The following NAALADL2 variants were observed in gnomAD, a reference collection of about 807,000 sequenced individuals.
The protein encoded by NAALADL2 is inactive N-acetylated-alpha-linked acidic dipeptidase-like protein 2.
In NAALADL2, 76 loss-of-function variants were observed where a neutral mutation model predicts 87.2. The ratio of observed to expected loss-of-function variants is 0.87; its 90% confidence interval spans 0.72 to 1.05. The LOEUF is 1.05. NAALADL2 is among the 50% of genes least tolerant of loss of function. The pLI is 0.00. For missense variants in NAALADL2, 1,089 were observed against 945.8 expected, an observed-to-expected ratio of 1.15 and a Z score of -1.99; for synonymous variants, 354 against 331.0, an observed-to-expected ratio of 1.07 and a Z score of -0.75.
At chr3:175,564,707 G>A (rs1716825382) in intron 9 of NAALADL2, among the ~76,000 whole-genome samples, 1 of 152,294 alleles carries the variant, frequency 6.6e-6, no homozygotes, top group African/African-American at 2.4e-5. Flanking sequence ...GGTCATTTAA[G>A]GTCCTATGGG....
chr3:175,234,261 C>A, intron 3 of NAALADL2, 57 bp downstream of exon 3: 2 of 1,538,270 alleles, frequency 1.3e-6, no homozygotes, highest in Non-Finnish European at 1.8e-6. Context: ...AAAATAACAG[C>A]TTTCATCTAA....
chr3:174,517,315 T>C (rs528928085), intron 1 of NAALADL2, among the ~76,000 whole-genome samples: 52 of 152,220 alleles, frequency 3.4e-4, no homozygotes, highest in Middle Eastern at 6.8e-3. Context: ...TTATGTATTT[T>C]CATCTTTAAT....
chr3:175,678,436 G>A (rs568727605), intron 11 of NAALADL2, among the ~76,000 whole-genome samples: 3 of 152,262 alleles, frequency 2.0e-5, no homozygotes, highest in African/African-American at 4.8e-5. Context: ...TATGTTTATT[G>A]TGGCACTATT....
chr3:175,069,122 C>T (rs899646741), intron 1 of NAALADL2, among the ~76,000 whole-genome samples: 1 of 150,926 alleles, frequency 6.6e-6, no homozygotes, highest in Non-Finnish European at 1.5e-5. Context: ...ATGTCTCAAA[C>T]ACCAAAAGCA....
intron 4 of NAALADL2, among the ~76,000 whole-genome samples, chr3:175,264,324 A>C (rs191645779): frequency 6.6e-6 from 1 of 152,016 alleles, no homozygotes; most frequent in African/African-American, 2.4e-5. Flanking sequence ...CTGAAAATGC[A>C]TGCATGATAA....
chr3:175,095,588 T>G (rs960145846), intron 1 of NAALADL2, among the ~76,000 whole-genome samples: 9 of 152,116 alleles, frequency 5.9e-5, no homozygotes, highest in African/African-American at 2.2e-4. Flanking sequence ...TTTAATTATA[T>G]GGGCCTCAGC....
intron 9 of NAALADL2, among the ~76,000 whole-genome samples, chr3:175,539,002 G>A (rs925368878): frequency 6.6e-6 from 1 of 152,128 alleles, no homozygotes; most frequent in Non-Finnish European, 1.5e-5. Context: ...AATTGGATTA[G>A]ATAAACTAAA....
At chr3:175,188,640 C>T (rs1737693333) in intron 2 of NAALADL2, among the ~76,000 whole-genome samples, 1 of 152,156 alleles carries the variant, frequency 6.6e-6, no homozygotes, top group Non-Finnish European at 1.5e-5. Flanking sequence ...GGAGTCCAAG[C>T]TACTGAAGTT....
At chr3:175,374,744 A>G (rs893130617) in intron 5 of NAALADL2, among the ~76,000 whole-genome samples, 2 of 151,432 alleles carry the variant, frequency 1.3e-5, no homozygotes, top group Non-Finnish European at 2.9e-5. Flanking sequence ...ATGGTGGTGC[A>G]TGCCTGCAAT....
At chr3:174,802,830 G>C (rs1719001665) in intron 3 of NAALADL2, among the ~76,000 whole-genome samples, 1 of 152,098 alleles carries the variant, frequency 6.6e-6, no homozygotes, top group Non-Finnish European at 1.5e-5. Flanking sequence ...TTTTATGCCT[G>C]TATGGTATTC....
At chr3:174,513,414 C>T (rs1719736727) in intron 1 of NAALADL2, 1 of 152,074 alleles carries the variant, frequency 6.6e-6, no homozygotes, top group East Asian at 1.9e-4. Flanking sequence ...TAATGAATAT[C>T]AATATTTAAA....
chr3:174,453,158 T>C (rs1378774312), intron 1 of NAALADL2, among the ~76,000 whole-genome samples: 1 of 152,116 alleles, frequency 6.6e-6, no homozygotes, highest in East Asian at 1.9e-4. Context: ...ATTAATAGCA[T>C]AATAGAAAAC....
chr3:174,496,119 C>T (rs1025865471), intron 1 of NAALADL2, among the ~76,000 whole-genome samples: 40 of 152,212 alleles, frequency 2.6e-4, no homozygotes, highest in African/African-American at 8.4e-4. Flanking sequence ...AGTGAACAGT[C>T]AGTAGGGCAG....
intron 1 of NAALADL2, among the ~76,000 whole-genome samples, chr3:174,444,777 G>A (rs1212513846): frequency 6.6e-6 from 1 of 152,172 alleles, no homozygotes; most frequent in Non-Finnish European, 1.5e-5. Context: ...TTATAGAATG[G>A]TGGTATTAAA....
At chr3:175,628,077 A>G (rs1358931718) in intron 11 of NAALADL2, among the ~76,000 whole-genome samples, 1 of 151,784 alleles carries the variant, frequency 6.6e-6, no homozygotes, top group East Asian at 1.9e-4. Flanking sequence ...CCAACTTGTA[A>G]TGGTTCACCT....
At chr3:175,579,219 CT>C (rs374745125) in intron 10 of NAALADL2, among the ~76,000 whole-genome samples, 2 of 148,582 alleles carry the variant, frequency 1.3e-5, no homozygotes, top group South Asian at 2.1e-4. Flanking sequence ...ATCTATCTAT[CT>C]ATCATCTATC....
intron 13 of NAALADL2, among the ~76,000 whole-genome samples, chr3:175,786,773 AGGAG>A (rs1752031682): frequency 6.6e-6 from 1 of 151,434 alleles, no homozygotes; most frequent in Admixed American, 6.7e-5. Context: ...GAGGAGGAGG[AGGAG>A]GAGAGGCGCT....
rs558413099 is a variant in NAALADL2, at chr3:175,345,760, C to T, written c.1090+21435C>T. Among the ~76,000 whole-genome samples, 29 of 152,162 alleles carry T rather than the reference C, an allele frequency of 1.9e-4. No homozygotes were observed. The South Asian group carries it at 5.8e-3, about 30-fold the overall frequency. Reference sequence around the variant, plus strand: ...GTAGCATGGAATGGAGCCCGCAATTCCATAGTGATTGTCAATAGGATGTTT... The same window carrying T: ...GTAGCATGGAATGGAGCCCGCAATTTCATAGTGATTGTCAATAGGATGTTT... On this transcript the variant is annotated intron_variant, in intron 5 of 13. Coordinates refer to ENST00000454872, the MANE Select transcript of NAALADL2 (RefSeq NM_207015.3).
chr3:174,800,287 C>T (rs1009667980), intron 3 of NAALADL2, among the ~76,000 whole-genome samples: 1 of 152,028 alleles, frequency 6.6e-6, no homozygotes, highest in African/African-American at 2.4e-5. Context: ...TGGGCTGGGC[C>T]CAGAGTTTCT....
Sources: allele counts gnomAD v4.1 joint callset (sites outside exome capture counted in the v4.1 genomes callset), GRCh38; gene constraint gnomAD v4.1.1; transcripts MANE v1.5; gene names NCBI Gene and HGNC (gene_info 2026-07-23, HGNC 2026-07-21).